CTNND2: variants seen among roughly 807,000 people sequenced by gnomAD.
CTNND2 encodes catenin delta 2.
Under a neutral mutation model 144.4 loss-of-function variants are expected in CTNND2, and 22 were observed. That is an observed-to-expected ratio of 0.15 (90% CI 0.11 to 0.22). The LOEUF is 0.22. Among genes scored for constraint, CTNND2 ranks in the 10% least tolerant of loss-of-function variants. The pLI is 1.00. For synonymous variants in CTNND2, 751 were observed against 695.6 expected (o/e 1.08, Z -1.25); for missense variants, 1,353 against 1,618.8 (o/e 0.84, Z 2.82).
intron 2 of CTNND2, among the ~76,000 whole-genome samples, chr5:11,605,934 T>G (rs1341269513): frequency 2.0e-5 from 3 of 152,180 alleles, no homozygotes; most frequent in Non-Finnish European, 4.4e-5. Flanking sequence ...ACAAGTCAGT[T>G]GACCTAAAAT....
At chr5:11,683,171 C>T (rs1392519120) in intron 2 of CTNND2, among the ~76,000 whole-genome samples, 1 of 152,198 alleles carries the variant, frequency 6.6e-6, no homozygotes, top group African/African-American at 2.4e-5. Context: ...TTACCCTTCA[C>T]TTGGAAATCC....
intron 3 of CTNND2, among the ~76,000 whole-genome samples, chr5:11,446,471 G>A (rs1168892161): frequency 6.6e-6 from 1 of 152,162 alleles, no homozygotes; most frequent in Non-Finnish European, 1.5e-5. Flanking sequence ...TGCTCTAAGA[G>A]CCAGCCTATG....
intron 11 of CTNND2, among the ~76,000 whole-genome samples, chr5:11,181,872 TG>T (rs1735045747): frequency 7.7e-5 from 11 of 143,470 alleles, no homozygotes; most frequent in South Asian, 2.2e-4. Context: ...GTGTTATGTG[TG>T]GCGTGTGTGC....
chr5:11,263,262 A>G (rs753053774), intron 9 of CTNND2, among the ~76,000 whole-genome samples: 1 of 152,208 alleles, frequency 6.6e-6, no homozygotes, highest in African/African-American at 2.4e-5. Context: ...TCTTTTGTAT[A>G]ATGGCCCATT....
At chr5:11,398,201 A>G (rs1471461287) in intron 5 of CTNND2, among the ~76,000 whole-genome samples, 2 of 152,234 alleles carry the variant, frequency 1.3e-5, no homozygotes, top group African/African-American at 2.4e-5. Flanking sequence ...CATATAGACT[A>G]TAGCATAACC....
At chr5:11,690,653 G>A (rs567903661) in intron 2 of CTNND2, among the ~76,000 whole-genome samples, 3 of 149,074 alleles carry the variant, frequency 2.0e-5, no homozygotes, top group East Asian at 2.1e-4. Context: ...GGAGAATGGC[G>A]TGAACCCGGG....
chr5:11,288,599 T>G (rs1311439), intron 9 of CTNND2, among the ~76,000 whole-genome samples: 1 of 151,782 alleles, frequency 6.6e-6, no homozygotes. Flanking sequence ...GACAAACTAA[T>G]GGGGGAAGCA....
At chr5:11,490,459 T>C (rs1334667643) in intron 3 of CTNND2, among the ~76,000 whole-genome samples, 1 of 152,212 alleles carries the variant, frequency 6.6e-6, no homozygotes, top group Non-Finnish European at 1.5e-5. Context: ...AAATATGGAC[T>C]AGGCACTAAA....
At position 11,384,988 on chromosome 5, in the gene CTNND2, G is replaced by T; in HGVS notation, c.854C>A (p.Ser285Ter). ...GSPTKLQRGGSAPEGATYAAP... is the reference protein window; with the variant it reads ...GSPTKLQRGG ...GGCGTAGGTGGCGCCCTCGGGGGCC[G>T]AGCCGCCGCGCTGCAGCTTGGTGGG... Residue 285 changes from serine to a stop codon, truncating the protein, a stop_gained, in exon 7 of 22, where the codon TCG becomes TAG. Coordinates refer to ENST00000304623, the MANE Select transcript of CTNND2 (RefSeq NM_001332.4). LOFTEE classifies it high-confidence loss of function. The surrounding 1 kb of genome is among the most constrained non-coding windows in gnomAD (Gnocchi z 5.2). 6.6e-7 allele frequency: 1 copy of T among 1,518,474 alleles called. No individual in the cohort carries two copies. The allele number at this position is 1,518,474 out of a possible 1,614,324, so 94.1% of individuals were successfully genotyped here.
At chr5:11,827,596 A>C (rs1793668188) in intron 1 of CTNND2, among the ~76,000 whole-genome samples, 1 of 152,180 alleles carries the variant, frequency 6.6e-6, no homozygotes, top group Non-Finnish European at 1.5e-5. Flanking sequence ...GTCAGGGAAA[A>C]ACAGAACATC....
intron 2 of CTNND2, among the ~76,000 whole-genome samples, chr5:11,730,002 T>C (rs1458671903): frequency 6.6e-6 from 1 of 152,244 alleles, no homozygotes; most frequent in African/African-American, 2.4e-5. Flanking sequence ...ATCTTTTGCC[T>C]AGTTTTGTAT....
chr5:11,258,714 T>C (rs1231703689), intron 9 of CTNND2, among the ~76,000 whole-genome samples: 2 of 152,238 alleles, frequency 1.3e-5, no homozygotes, highest in African/African-American at 4.8e-5. Context: ...TTTTCTGAGA[T>C]TGCAGAATTT....
intron 2 of CTNND2, 92 bp from the exon 3 acceptor site, chr5:11,565,148 A>G: frequency 1.2e-6 from 1 of 829,222 alleles, no homozygotes; most frequent in Non-Finnish European, 2.0e-6. Flanking sequence ...GGAGAAAAAT[A>G]TGATTTTCCA....
chr5:11,438,218 T>C (rs982181863), intron 3 of CTNND2, among the ~76,000 whole-genome samples: 1 of 152,230 alleles, frequency 6.6e-6, no homozygotes, highest in Non-Finnish European at 1.5e-5. Context: ...ATTACAAAAA[T>C]ACAACCACAA....
intron 1 of CTNND2, among the ~76,000 whole-genome samples, chr5:11,861,341 A>G (rs1795495713): frequency 6.6e-6 from 1 of 152,296 alleles, no homozygotes; most frequent in East Asian, 1.9e-4. Flanking sequence ...CATAACAAAC[A>G]TGATCTACTG....
chr5:11,858,303 C>T (rs1370237416), intron 1 of CTNND2, among the ~76,000 whole-genome samples: 1 of 152,196 alleles, frequency 6.6e-6, no homozygotes, highest in Non-Finnish European at 1.5e-5. Context: ...TGTCAGTATA[C>T]ATGCACACAA....
At position 11,875,364 on chromosome 5, in the gene CTNND2, T is replaced by C. The variant is rs577756424; in HGVS notation, c.37+28453A>G. 3.9e-5 allele frequency among the ~76,000 whole-genome samples: 6 copies of C among 152,310 alleles called. No individual in the cohort carries two copies. The South Asian group carries it at 1.0e-3, about 26-fold the overall frequency. On this transcript the variant is annotated intron_variant, in intron 1 of 21. Coordinates refer to ENST00000304623, the MANE Select transcript of CTNND2 (RefSeq NM_001332.4). ...TGGTTGCTTCTCTGAAAATACATAA[T>C]TCAATTTGAAATATTCATACCCTGG...
rs142706090 is a variant in CTNND2, at chr5:11,466,773, C to T, written c.288-54704G>A. Among the ~76,000 whole-genome samples the T allele has an allele frequency of 2.4e-3, 366 of 152,292 alleles. 2 individuals are homozygous for T. The highest frequency in any genetic ancestry group is 4.4e-3 in the Non-Finnish European group (297 of 68,030). ...GGACCATCAGTGGGAAAGTCACTGA[C>T]GCCATCTCCTGCCTTTTATCTTCCC... On this transcript the variant is annotated intron_variant, in intron 3 of 21. Coordinates refer to ENST00000304623, the MANE Select transcript of CTNND2 (RefSeq NM_001332.4).
At chr5:11,562,753 T>C (rs1776778136) in intron 3 of CTNND2, among the ~76,000 whole-genome samples, 1 of 152,260 alleles carries the variant, frequency 6.6e-6, no homozygotes, top group South Asian at 2.1e-4. Context: ...AATTAACTGA[T>C]GTATTTTATT....
Sources: allele counts gnomAD v4.1 joint callset (sites outside exome capture counted in the v4.1 genomes callset), GRCh38; gene constraint gnomAD v4.1.1; non-coding constraint Gnocchi (gnomAD v3.1); transcripts MANE v1.5; gene names NCBI Gene and HGNC (gene_info 2026-07-23, HGNC 2026-07-21).